The following LRRC8C variants were observed in gnomAD, a reference collection of about 807,000 sequenced individuals.
The protein encoded by LRRC8C is volume-regulated anion channel subunit LRRC8C.
Under a neutral mutation model 55.3 loss-of-function variants are expected in LRRC8C, and 20 were observed. That is an observed-to-expected ratio of 0.36 (90% CI 0.25 to 0.53). LRRC8C has a LOEUF of 0.53. Among genes scored for constraint, LRRC8C ranks in the 20% least tolerant of loss-of-function variants. The pLI, the probability that LRRC8C is intolerant of heterozygous loss-of-function variation, is 0.92. For missense variants in LRRC8C, 659 were observed against 951.4 expected (o/e 0.69, Z 4.04); for synonymous variants, 376 against 360.7 (o/e 1.04, Z -0.48).
chr1:89,691,836 A>C (rs1394422031), intron 2 of LRRC8C, among the ~76,000 whole-genome samples: 1 of 152,226 alleles, frequency 6.6e-6, no homozygotes, highest in Non-Finnish European at 1.5e-5. Context: ...TTTCAGTGTA[A>C]AAGCAAGTAC....
At chr1:89,656,591 A>G (rs1349939524) in intron 1 of LRRC8C, among the ~76,000 whole-genome samples, 2 of 152,194 alleles carry the variant, frequency 1.3e-5, no homozygotes, top group South Asian at 2.1e-4. Context: ...TTTGGTTTCT[A>G]TATATCCATG....
chr1:89,669,274 G>C (rs1657353254), intron 1 of LRRC8C, among the ~76,000 whole-genome samples: 2 of 152,040 alleles, frequency 1.3e-5, no homozygotes, highest in Admixed American at 1.3e-4. Flanking sequence ...GCCAGGGGCT[G>C]GGGGGAGGGG....
intron 2 of LRRC8C, among the ~76,000 whole-genome samples, chr1:89,701,475 C>T (rs1658320844): frequency 1.6e-5 from 2 of 128,534 alleles, no homozygotes; most frequent in African/African-American, 2.8e-5. Flanking sequence ...AGTGAGACTC[C>T]ATCTCAAAAA....
chr1:89,708,041 A>G (rs574188765), intron 2 of LRRC8C, among the ~76,000 whole-genome samples: 3 of 152,044 alleles, frequency 2.0e-5, no homozygotes, highest in South Asian at 2.1e-4. Flanking sequence ...TCTCACTTTT[A>G]TGCATTTTGG....
chr1:89,661,566 T>A (rs1011360644), intron 1 of LRRC8C, among the ~76,000 whole-genome samples: 5 of 152,170 alleles, frequency 3.3e-5, no homozygotes, highest in African/African-American at 1.2e-4. Context: ...TTTCTACCAC[T>A]TTACTCTTCT....
intron 1 of LRRC8C, among the ~76,000 whole-genome samples, chr1:89,683,589 C>T (rs1304045319): frequency 6.6e-6 from 1 of 152,032 alleles, no homozygotes; most frequent in African/African-American, 2.4e-5. Context: ...ATCTCCTGAC[C>T]TCATGATCCA....
chr1:89,707,152 A>C (rs1387285007), intron 2 of LRRC8C, among the ~76,000 whole-genome samples: 1 of 141,784 alleles, frequency 7.1e-6, no homozygotes, highest in Non-Finnish European at 1.5e-5. Flanking sequence ...CATGCCTGTA[A>C]TCCCAGCACT....
At position 89,718,470 on chromosome 1, in the gene LRRC8C, C is replaced by A. The variant is rs1335086567; in HGVS notation, c.*3488C>A. 1 of 152,196 alleles carries A rather than the reference C, an allele frequency of 6.6e-6. No individual in the cohort carries two copies. The highest frequency in any genetic ancestry group is 1.9e-4 in the East Asian group (1 of 5,188). The allele number at this position is 152,196 out of a possible 1,614,324, so 9.4% of individuals were successfully genotyped here. A position where few individuals can be genotyped will look rare whatever the true frequency, so the allele number is the denominator to read the frequency against. On this transcript the variant is annotated 3_prime_UTR_variant, in exon 3 of 3. Coordinates refer to ENST00000370454, the MANE Select transcript of LRRC8C (RefSeq NM_032270.5). ...GATATTAAAAAAGAAAAAACAAAAT[C>A]TTTATATCTCTTATTAACACTTCCC...
At chr1:89,648,936 T>C (rs545281448) in intron 1 of LRRC8C, among the ~76,000 whole-genome samples, 1 of 152,234 alleles carries the variant, frequency 6.6e-6, no homozygotes, top group East Asian at 1.9e-4. Flanking sequence ...TCAAATAATA[T>C]TTCATAGTCT....
intron 1 of LRRC8C, among the ~76,000 whole-genome samples, chr1:89,643,622 A>T (rs928418521): frequency 6.6e-6 from 1 of 152,252 alleles, no homozygotes; most frequent in Non-Finnish European, 1.5e-5. Flanking sequence ...ATTAACAAAA[A>T]TGAGTTGTGT....
At chr1:89,639,463 G>A (rs896320128) in intron 1 of LRRC8C, among the ~76,000 whole-genome samples, 3 of 152,136 alleles carry the variant, frequency 2.0e-5, no homozygotes, top group Admixed American at 2.0e-4. Flanking sequence ...GACTAGAGGA[G>A]CTTGTCTCCT....
chr1:89,633,260 C>G lies in LRRC8C; in HGVS notation c.-67C>G, dbSNP rs1656172092. On this transcript the variant is annotated 5_prime_UTR_variant, in exon 1 of 3. Coordinates refer to ENST00000370454, the MANE Select transcript of LRRC8C (RefSeq NM_032270.5). Reference sequence around the variant, plus strand: ...CCGCCGTCCCTGGCAGCCGCTGAGCCCGACCCCCAGGCAGCTCGCCGCTCC... The same window carrying G: ...CCGCCGTCCCTGGCAGCCGCTGAGCGCGACCCCCAGGCAGCTCGCCGCTCC... 6.6e-6 allele frequency: 1 copy of G among 152,456 alleles called. No homozygotes were observed. The highest frequency in any genetic ancestry group is 1.5e-5 in the Non-Finnish European group (1 of 68,280). The allele number at this position is 152,456 out of a possible 1,614,324, so 9.4% of individuals were successfully genotyped here.
At chr1:89,705,729 A>G (rs1658462547) in intron 2 of LRRC8C, among the ~76,000 whole-genome samples, 2 of 152,192 alleles carry the variant, frequency 1.3e-5, no homozygotes, top group South Asian at 4.1e-4. Flanking sequence ...GCAGTGAGCC[A>G]AGATCACGCC....
chr1:89,626,931 G>A, the LRRC8C span: 1 of 151,232 alleles, frequency 6.6e-6, no homozygotes, highest in Admixed American at 6.6e-5. Flanking sequence ...AGGTCCAGGT[G>A]GGGCTGAAAA....
intron 1 of LRRC8C, chr1:89,676,209 T>C (rs1040329685): frequency 1.3e-5 from 2 of 152,208 alleles, no homozygotes; most frequent in African/African-American, 4.8e-5. Flanking sequence ...AGATTTGTTT[T>C]CTATCACCTG....
intron 1 of LRRC8C, among the ~76,000 whole-genome samples, chr1:89,676,615 AT>A (rs1657554148): frequency 6.6e-6 from 1 of 152,168 alleles, no homozygotes; most frequent in Non-Finnish European, 1.5e-5. Flanking sequence ...GGATAAGTCG[AT>A]TTTAGTGTAA....
In LRRC8C at chr1:89,713,425, C is replaced by A; in HGVS notation, c.855C>A (p.Ser285=). The stretch of plus-strand genomic sequence containing the variant: ...TTGCATATAATAGTGCTCTGGTTTC[C>A]AAGGTCCAGTTTACAGTGGACTGTA... ...IIIAYNSALV[S]KVQFTVDCNV... Residue 285 remains serine (S), a synonymous_variant, in exon 3 of 3, where the codon TCC becomes TCA. Coordinates refer to ENST00000370454, the MANE Select transcript of LRRC8C (RefSeq NM_032270.5). This position sits in a 1 kb window ranked among gnomAD's most constrained non-coding sequence, Gnocchi z 5.2. 1 of 1,614,152 alleles carries A rather than the reference C, an allele frequency of 6.2e-7. No homozygotes were observed. The highest frequency in any genetic ancestry group is 2.2e-5 in the East Asian group (1 of 44,880).
chr1:89,716,738 TAGAA>T lies in LRRC8C; in HGVS notation c.*1760_*1763del, dbSNP rs1185905840. On this transcript the variant is annotated 3_prime_UTR_variant, in exon 3 of 3. Coordinates refer to ENST00000370454, the MANE Select transcript of LRRC8C (RefSeq NM_032270.5). The stretch of plus-strand genomic sequence containing the variant: ...TTTGTGACTTAACAATGAAAGAAAG[TAGAA>T]AGATGCTTTGGGTTTTCAAAATGTT... 1.2e-4 allele frequency: 18 copies of T among 152,326 alleles called. No homozygotes were observed. The highest frequency in any genetic ancestry group is 7.8e-4 in the Admixed American group (12 of 15,300). 9.4% of individuals were successfully genotyped at this position (152,326 alleles called of 1,614,324 possible).
At chr1:89,703,720 G>A (rs1658395839) in intron 2 of LRRC8C, among the ~76,000 whole-genome samples, 1 of 152,020 alleles carries the variant, frequency 6.6e-6, no homozygotes, top group South Asian at 2.1e-4. Flanking sequence ...CAGAAATACA[G>A]TCGCTATCTT....
Sources: gnomAD v4.1 joint callset for allele counts (sites outside exome capture counted in the v4.1 genomes callset) on GRCh38, gnomAD v4.1.1 for gene constraint, Gnocchi (gnomAD v3.1) non-coding constraint, MANE v1.5 for transcripts, NCBI Gene and HGNC (gene_info 2026-07-23, HGNC 2026-07-21) for gene names.